ACSL3: variants seen among roughly 807,000 people sequenced by gnomAD.
The protein encoded by ACSL3 is acyl-CoA synthetase long chain family member 3, also known as fatty acid CoA ligase Acsl3.
ACSL3 carries 34 observed loss-of-function variants against 84.7 expected under a neutral mutation model. The observed-to-expected ratio is 0.40, with a 90% confidence interval of 0.31 to 0.53. The LOEUF is 0.53. Among genes scored for constraint, ACSL3 ranks in the 20% least tolerant of loss-of-function variants. The pLI, the probability that ACSL3 is intolerant of heterozygous loss-of-function variation, is 0.48. For synonymous variants in ACSL3, 315 were observed against 299.4 expected, an observed-to-expected ratio of 1.05 and a Z score of -0.54; for missense variants, 680 against 873.1, an observed-to-expected ratio of 0.78 and a Z score of 2.79.
intron 1 of ACSL3, among the ~76,000 whole-genome samples, chr2:222,881,012 G>A (rs981683212): frequency 2.0e-5 from 3 of 152,106 alleles, no homozygotes; most frequent in East Asian, 3.9e-4. Context: ...CATAACTGTC[G>A]TTTATTTTTT....
intron 16 of ACSL3, among the ~76,000 whole-genome samples, chr2:222,940,086 T>C (rs1047993895): frequency 2.0e-5 from 3 of 152,244 alleles, no homozygotes; most frequent in Non-Finnish European, 4.4e-5. Flanking sequence ...TTTTCAAAAC[T>C]ACATCTGCCC....
At chr2:222,867,858 C>T (rs1057115772) in intron 1 of ACSL3, among the ~76,000 whole-genome samples, 2 of 151,936 alleles carry the variant, frequency 1.3e-5, no homozygotes, top group Admixed American at 1.3e-4. Context: ...TTCCTCTAAT[C>T]GTTTCATTAT....
chr2:222,885,555 A>G (rs1264306094), intron 1 of ACSL3, among the ~76,000 whole-genome samples: 2 of 152,232 alleles, frequency 1.3e-5, no homozygotes, highest in Non-Finnish European at 2.9e-5. Flanking sequence ...AAATTCTACA[A>G]CTATGGATAT....
intron 1 of ACSL3, among the ~76,000 whole-genome samples, chr2:222,872,236 T>C (rs1695323374): frequency 6.6e-6 from 1 of 152,186 alleles, no homozygotes; most frequent in Admixed American, 6.5e-5. Flanking sequence ...GTGATTCTCC[T>C]GCCTCAGCCT....
At chr2:222,877,176 C>A (rs1695470883) in intron 1 of ACSL3, among the ~76,000 whole-genome samples, 1 of 151,954 alleles carries the variant, frequency 6.6e-6, no homozygotes, top group African/African-American at 2.4e-5. Context: ...GTGGAGAGCT[C>A]AAGGGGATTG....
intron 1 of ACSL3, among the ~76,000 whole-genome samples, chr2:222,881,311 G>A (rs937813433): frequency 5.9e-5 from 9 of 152,176 alleles, no homozygotes; most frequent in African/African-American, 1.2e-4. Flanking sequence ...TGGCACTTGC[G>A]GTTACCGCAT....
At chr2:222,941,441 C>T in intron 16 of ACSL3, 56 bp from the exon 17 acceptor site, 2 of 1,461,542 alleles carry the variant, frequency 1.4e-6, no homozygotes, top group South Asian at 1.3e-5. Context: ...GAAGTTACAC[C>T]ATTTGCTAAG....
chr2:222,896,766 A>C (rs1695994190), intron 2 of ACSL3, among the ~76,000 whole-genome samples: 1 of 18,124 alleles, frequency 5.5e-5, no homozygotes, highest in Non-Finnish European at 8.6e-5. Context: ...ACTTCCCAGT[A>C]GGGGCGGCCG....
chr2:222,929,058 A>G (rs1411779282), intron 13 of ACSL3, 122 bp downstream of exon 13: 2 of 701,842 alleles, frequency 2.8e-6, no homozygotes, highest in African/African-American at 3.6e-5. Context: ...CCTTTGTGAT[A>G]GACGTGTTTT....
At chr2:222,866,721 G>C (rs1307685859) in intron 1 of ACSL3, among the ~76,000 whole-genome samples, 1 of 71,460 alleles carries the variant, frequency 1.4e-5, no homozygotes, top group African/African-American at 5.0e-5. Flanking sequence ...ACACAAAGTT[G>C]CTGCCCCAAA....
At chr2:222,863,346 T>C (rs1695059565) in intron 1 of ACSL3, among the ~76,000 whole-genome samples, 1 of 152,252 alleles carries the variant, frequency 6.6e-6, no homozygotes, top group Non-Finnish European at 1.5e-5. Context: ...CCTGCAATTA[T>C]GTACATAATG....
chr2:222,870,372 A>G (rs1695268663), intron 1 of ACSL3, among the ~76,000 whole-genome samples: 1 of 152,206 alleles, frequency 6.6e-6, no homozygotes, highest in African/African-American at 2.4e-5. Flanking sequence ...AATAAGCAAG[A>G]TTCTCATGGA....
intron 16 of ACSL3, among the ~76,000 whole-genome samples, chr2:222,941,210 A>G (rs1380392557): frequency 6.6e-6 from 1 of 152,322 alleles, no homozygotes; most frequent in East Asian, 1.9e-4. Flanking sequence ...GATTACAGGC[A>G]TGAGCCATCA....
At chr2:222,869,501 A>AT (rs1348579762) in intron 1 of ACSL3, among the ~76,000 whole-genome samples, 3 of 152,240 alleles carry the variant, frequency 2.0e-5, no homozygotes, top group Admixed American at 6.5e-5. Context: ...AACCCATTAT[A>AT]TTAATAAAAA....
intron 4 of ACSL3, among the ~76,000 whole-genome samples, chr2:222,911,828 A>G (rs1696447718): frequency 6.6e-6 from 1 of 152,224 alleles, no homozygotes; most frequent in South Asian, 2.1e-4. Flanking sequence ...TATCTTAACC[A>G]TAGTGCCTTT....
intron 4 of ACSL3, among the ~76,000 whole-genome samples, chr2:222,914,691 C>G (rs1398923013): frequency 6.6e-6 from 1 of 152,150 alleles, no homozygotes; most frequent in East Asian, 1.9e-4. Flanking sequence ...GTTGGCTGTT[C>G]TGCAGCAGTG....
Position 222,943,542 on chromosome 2 carries a change from A to T in ACSL3, c.*1888A>T, listed in dbSNP as rs1697382296. ...TGTGACTTGAAATAGTGTCAGATGA[A>T]TTATGTAGCTGATCACTGATGGAAC... On this transcript the variant is annotated 3_prime_UTR_variant, in exon 17 of 17. Coordinates refer to ENST00000357430, the MANE Select transcript of ACSL3 (RefSeq NM_004457.5). 1 of 158,920 alleles carries T rather than the reference A, an allele frequency of 6.3e-6. No homozygotes were observed. Among genetic ancestry groups the T allele is most frequent in the Non-Finnish European group, 1.4e-5 (1 of 72,052 alleles). The allele number at this position is 158,920 out of a possible 1,614,324, so 9.8% of individuals were successfully genotyped here.
intron 1 of ACSL3, among the ~76,000 whole-genome samples, chr2:222,862,813 C>G (rs1027744099): frequency 6.6e-6 from 1 of 152,150 alleles, no homozygotes; most frequent in South Asian, 2.1e-4. Flanking sequence ...ATCTCAGTTA[C>G]TGAATTTGTA....
In ACSL3 at chr2:222,928,242, G is replaced by A. The variant is rs535885403; in HGVS notation, c.1466-620G>A. On this transcript the variant is annotated intron_variant, in intron 12 of 16. Coordinates refer to ENST00000357430, the MANE Select transcript of ACSL3 (RefSeq NM_004457.5). Reference sequence around the variant, plus strand: ...TCAGCCTGGCTCTTGAGCTATTGCTGTATTAATTTTAAATAGGGTGTGATA... The same window carrying A: ...TCAGCCTGGCTCTTGAGCTATTGCTATATTAATTTTAAATAGGGTGTGATA... Among the ~76,000 whole-genome samples, 21 of 152,300 alleles carry A rather than the reference G, an allele frequency of 1.4e-4. No homozygotes were observed. In the South Asian group the frequency reaches 4.1e-3, roughly 30 times the overall value.
Sources: allele counts gnomAD v4.1 joint callset (sites outside exome capture counted in the v4.1 genomes callset), GRCh38; gene constraint gnomAD v4.1.1; transcripts MANE v1.5; gene names NCBI Gene and HGNC (gene_info 2026-07-23, HGNC 2026-07-21).